The following NOTCH1 variants were observed in gnomAD, a reference collection of about 807,000 sequenced individuals.
NOTCH1 encodes neurogenic locus notch homolog protein 1.
A neutral mutation model predicts 254.8 loss-of-function variants in NOTCH1; 37 were observed. The observed-to-expected ratio is 0.15, with a 90% CI of 0.11 to 0.19. The LOEUF (loss-of-function observed/expected upper bound fraction) is 0.19. NOTCH1 is among the 10% of genes least tolerant of loss of function. The probability of loss-of-function intolerance (pLI) is 1.00; values close to 1 mark genes in which losing one functional copy is unlikely to be tolerated. For missense variants in NOTCH1, 2,972 were observed against 3,708.6 expected, an observed-to-expected ratio of 0.80 and a Z score of 5.16; for synonymous variants, 1,731 against 1,618.1, an observed-to-expected ratio of 1.07 and a Z score of -1.68.
At position 136,523,863 on chromosome 9, in the gene NOTCH1, G is replaced by T; in HGVS notation, c.257C>A (p.Ala86Asp). ...VVDRRGVADYACSCALGFSGP... is the reference protein window; with the variant it reads ...VVDRRGVADYDCSCALGFSGP... The stretch of plus-strand genomic sequence containing the variant: ...AGAGAAGCCCAGGGCACAGCTGCAG[G>T]CATAGTCTGCCACGCCTCTGCGGTC... The change falls in exon 3 of 34, where the codon GCC (alanine) becomes GAC (aspartate). Residue 86 changes from alanine (A) to aspartate (D), a missense_variant. Transcript: ENST00000651671. The T allele has an allele frequency of 6.2e-7, 1 of 1,611,314 alleles. No individual in the cohort carries two copies. Among genetic ancestry groups the T allele is most frequent in the Non-Finnish European group, 8.5e-7 (1 of 1,179,446 alleles).
chr9:136,510,662 A>T lies in NOTCH1; in HGVS notation c.2731T>A (p.Cys911Ser). The change falls in exon 17 of 34, where the codon TGC becomes AGC. Residue 911 changes from cysteine (C) to serine (S), a missense_variant. Coordinates refer to ENST00000651671, the MANE Select transcript of NOTCH1 (RefSeq NM_017617.5). ...GRNCETDIDD[C>S]RPNPCHNGGS... ...CCGCGGGGCTACTCACTGGGCCGGC[A>T]GTCGTCGATGTCGGTCTCGCAGTTG... The T allele has an allele frequency of 6.2e-7, 1 of 1,606,734 alleles. No homozygotes were observed. The highest frequency in any genetic ancestry group is 8.5e-7 in the Non-Finnish European group (1 of 1,179,096).
chr9:136,529,153 G>A (rs896851710), intron 2 of NOTCH1, among the ~76,000 whole-genome samples: 31 of 152,236 alleles, frequency 2.0e-4, no homozygotes, highest in African/African-American at 7.5e-4. Context: ...CCCACCAGGT[G>A]ACCTGGGCCA....
In NOTCH1 at chr9:136,545,931, C is replaced by G. The variant is rs1451776133; in HGVS notation, c.-145G>C. 3.9e-6 allele frequency: 1 copy of G among 256,376 alleles called. No individual in the cohort carries two copies. The highest frequency in any genetic ancestry group is 6.6e-6 in the Non-Finnish European group (1 of 151,658). 15.9% of individuals were successfully genotyped at this position (256,376 alleles called of 1,614,324 possible). ...TCCCCGGCTGGCTGGCGGCGCTGTG[C>G]TCTCGCAGGCCCCCGGGCCCGGCTC... On this transcript the variant is annotated 5_prime_UTR_variant, in exon 1 of 34. Transcript: ENST00000651671. This position sits in a 1 kb window ranked among gnomAD's most constrained non-coding sequence, Gnocchi z 6.8.
intron 33 of NOTCH1, 90 bp from the exon 34 acceptor site, chr9:136,497,648 C>T: frequency 8.6e-7 from 1 of 1,165,114 alleles, no homozygotes; most frequent in Non-Finnish European, 1.2e-6. Context: ...AGCAGCAGTA[C>T]AACCTCCTCC....
At chr9:136,509,643 G>A (rs1011497659) in intron 18 of NOTCH1, 90 bp downstream of exon 18, 39 of 1,203,166 alleles carry the variant, frequency 3.2e-5, no homozygotes, top group South Asian at 7.4e-5. Context: ...CGGCCTAGGC[G>A]GACGCCTGCA....
intron 13 of NOTCH1, 146 bp downstream of exon 13, chr9:136,514,364 G>A (rs367746422): frequency 1.3e-4 from 106 of 820,124 alleles, no homozygotes; most frequent in Admixed American, 4.7e-4. Context: ...AGGCATGTGC[G>A]TCCCCGAGGG....
rs752226005 is a variant in NOTCH1 at position 136,513,528 on chromosome 9, G to A, written c.2217C>T (p.Cys739=). 10 of 1,612,900 alleles carry A rather than the reference G, an allele frequency of 6.2e-6. No individual in the cohort carries two copies. In the East Asian group the frequency reaches 6.7e-5, roughly 11 times the overall value. The change falls in exon 14 of 34, where the codon TGC becomes TGT. Residue 739 remains cysteine, a synonymous_variant. Coordinates refer to ENST00000651671, the MANE Select transcript of NOTCH1 (RefSeq NM_017617.5). The surrounding 1 kb of genome is among the most constrained non-coding windows in gnomAD (Gnocchi z 4.7). ...TCCCACTCCACCCAGGGTCACAGTC[G>A]CACTTGTACCTGCAAGGGGGACCAC... ...ACRDSLNGYK[C]DCDPGWSGTN...
chr9:136,513,251 C>T lies in NOTCH1; in HGVS notation c.2354-117G>A. The T allele has an allele frequency of 1.4e-6, 2 of 1,472,338 alleles. No individual in the cohort carries two copies. The highest frequency in any genetic ancestry group is 1.9e-6 in the Non-Finnish European group (2 of 1,060,362). 91.2% of individuals were successfully genotyped at this position (1,472,338 alleles called of 1,614,324 possible). ...CCAGGCCCCTCCTCATCTCCAAGAGCCAGAGGCCTGGAGCTAAGGCTTTGC... is the reference window on the plus strand; with the variant it reads ...CCAGGCCCCTCCTCATCTCCAAGAGTCAGAGGCCTGGAGCTAAGGCTTTGC... On this transcript the variant is annotated intron_variant, in intron 14 of 33. Coordinates refer to ENST00000651671, the MANE Select transcript of NOTCH1 (RefSeq NM_017617.5). The surrounding 1 kb of genome is among the most constrained non-coding windows in gnomAD (Gnocchi z 4.7).
At position 136,523,592 on chromosome 9, in the gene NOTCH1, A is replaced by G. The variant is rs114322290; in HGVS notation, c.403+125T>C. On this transcript the variant is annotated intron_variant, in intron 3 of 33. Transcript: ENST00000651671. Reference sequence around the variant, plus strand: ...GGGAGGGGGGCAGGGACCCTGGGGCAGGGGCTCCCAATTACTTCCGGGTCA... The same window carrying G: ...GGGAGGGGGGCAGGGACCCTGGGGCGGGGGCTCCCAATTACTTCCGGGTCA... 2.3e-3 allele frequency: 2,932 copies of G among 1,255,354 alleles called. 52 individuals are homozygous for G. In the African/African-American group the frequency reaches 0.036, roughly 15 times the overall value. The allele number at this position is 1,255,354 out of a possible 1,614,324, so 77.8% of individuals were successfully genotyped here. A position where few individuals can be genotyped will look rare whatever the true frequency, so the allele number is the denominator to read the frequency against.
rs761244103 is a variant in NOTCH1, at chr9:136,517,396, G to C, written c.1442-11C>G. On this transcript the variant is annotated splice_polypyrimidine_tract_variant and intron_variant, in intron 8 of 33. Transcript: ENST00000651671. ...GCACACCCTCGTAGCCTGTGGGGTG[G>C]GGCAACAGTGAGGGGGGCACGCGCG... is the stretch of plus-strand genomic sequence containing the variant. The C allele has an allele frequency of 6.4e-7, 1 of 1,566,450 alleles. No individual in the cohort carries two copies.
rs370170212 is a variant in NOTCH1, at chr9:136,518,811, G to C, written c.879C>G (p.Thr293=). ...CPPEWTGQYC[T]EDVDECQLMP... ...TCAGCTGGCACTCGTCCACATCCTC[G>C]GTACAGTACTGACCTGCAGGGAACA... Residue 293 remains threonine, a synonymous_variant, in exon 6 of 34, where the codon ACC becomes ACG. Coordinates refer to ENST00000651671, the MANE Select transcript of NOTCH1 (RefSeq NM_017617.5). 1 of 1,612,768 alleles carries C rather than the reference G, an allele frequency of 6.2e-7. No individual in the cohort carries two copies. The highest frequency in any genetic ancestry group is 8.5e-7 in the Non-Finnish European group (1 of 1,179,942).
At chr9:136,528,560 G>A (rs550709777) in intron 2 of NOTCH1, among the ~76,000 whole-genome samples, 202 of 150,170 alleles carry the variant, frequency 1.3e-3, no homozygotes, top group Non-Finnish European at 2.3e-3. Context: ...TTGGTGGGAC[G>A]GGCAGGGACA....
intron 31 of NOTCH1, 91 bp downstream of exon 31, chr9:136,500,461 G>A: frequency 6.6e-7 from 1 of 1,516,172 alleles, no homozygotes; most frequent in African/African-American, 1.4e-5. Flanking sequence ...CTCGGGGTCA[G>A]GCTCCCAGGG....
In NOTCH1 at chr9:136,496,271, A is replaced by G; in HGVS notation, c.7468T>C (p.Tyr2490His). The G allele has an allele frequency of 6.2e-7, 1 of 1,600,928 alleles. No homozygotes were observed. Among genetic ancestry groups the G allele is most frequent in the Non-Finnish European group, 8.5e-7 (1 of 1,172,970 alleles). The change falls in exon 34 of 34, where the codon TAC becomes CAC. Residue 2490 changes from tyrosine to histidine, a missense_variant. Physicochemically the swap from Tyr to His is moderately conservative, Grantham distance 83 (BLOSUM62 2). Transcript: ENST00000651671. ...QFLTPPSQHS[Y>H]SSPVDNTPSH... ...GGGGTGTTGTCCACAGGCGAGGAGT[A>G]GCTGTGCTGCGAGGGGGGCGTCAGG...
Position 136,506,424 on chromosome 9 carries a change from G to T in NOTCH1, c.4014+103C>A. On this transcript the variant is annotated intron_variant, in intron 24 of 33. Coordinates refer to ENST00000651671, the MANE Select transcript of NOTCH1 (RefSeq NM_017617.5). The surrounding 1 kb of genome is among the most constrained non-coding windows in gnomAD (Gnocchi z 4.5). ...ACATCAGGGTGAGGAGGAGGATGAA[G>T]GCCGGGAGGATCACTGCCCGGTCTG... The T allele has an allele frequency of 1.1e-6, 1 of 927,114 alleles. No individual in the cohort carries two copies. The highest frequency in any genetic ancestry group is 1.7e-6 in the Non-Finnish European group (1 of 600,012). 57.4% of individuals were successfully genotyped at this position (927,114 alleles called of 1,614,324 possible).
Position 136,498,913 on chromosome 9 carries a change from T to A in NOTCH1, c.6166A>T (p.Met2056Leu). 2 of 1,613,722 alleles carry A rather than the reference T, an allele frequency of 1.2e-6. No homozygotes were observed. The highest frequency in any genetic ancestry group is 1.7e-6 in the Non-Finnish European group (2 of 1,179,994). Residue 2056 changes from methionine (M) to leucine (L), a missense_variant, in exon 33 of 34, where the codon ATG (methionine) becomes TTG (leucine). Transcript: ENST00000651671. ...VLLKNGANKD[M>L]QNNREETPLF... ...CTCGCGCTCACCCTGTTGTTCTGCA[T>A]ATCTTTGTTAGCCCCGTTCTTCAGG...
intron 9 of NOTCH1, among the ~76,000 whole-genome samples, 197 bp from the exon 10 acceptor site, chr9:136,516,291 C>T (rs1385790611): frequency 1.3e-5 from 2 of 152,362 alleles, no homozygotes; most frequent in East Asian, 1.9e-4. Context: ...GCACCACACG[C>T]CCTCGCTCCC....
Position 136,496,348 on chromosome 9 carries a change from A to G in NOTCH1, c.7391T>C (p.Leu2464Pro). The G allele has an allele frequency of 1.3e-6, 2 of 1,592,330 alleles. No individual in the cohort carries two copies. Among genetic ancestry groups the G allele is most frequent in the Non-Finnish European group, 1.7e-6 (2 of 1,171,684 alleles). ...HTILPQESPA[L>P]PTSLPSSLVP... Reference sequence around the variant, plus strand: ...CAGCGAGGATGGCAGCGACGTGGGCAGGGCGGGGCTCTCCTGGGGCAGAAT... The same window carrying G: ...CAGCGAGGATGGCAGCGACGTGGGCGGGGCGGGGCTCTCCTGGGGCAGAAT... The change falls in exon 34 of 34, where the codon CTG (leucine) becomes CCG (proline). Residue 2464 changes from leucine (L) to proline (P), a missense_variant. Leu to Pro is a moderately conservative substitution (Grantham distance 98). Around this residue, in one of 8 missense-constraint regions of NOTCH1, gnomAD observed 529 missense variants for 529.2 expected, o/e 1.00. Transcript: ENST00000651671.
chr9:136,523,312 C>T (rs1270339719), intron 3 of NOTCH1, 124 bp from the exon 4 acceptor site: 23 of 1,003,852 alleles, frequency 2.3e-5, no homozygotes, highest in Non-Finnish European at 3.5e-5. Context: ...CACATTTGAT[C>T]CTCAGGACCT....
Sources: allele counts gnomAD v4.1 joint callset (sites outside exome capture counted in the v4.1 genomes callset), GRCh38; gene constraint gnomAD v4.1.1; regional missense constraint gnomAD v4.1.1; non-coding constraint Gnocchi (gnomAD v3.1); transcripts MANE v1.5; gene names NCBI Gene and HGNC (gene_info 2026-07-23, HGNC 2026-07-21).